Variants in ZBTB16 observed in about 807,000 individuals in gnomAD.
ZBTB16 encodes zinc finger and BTB domain containing 16, also known as zinc finger and BTB domain-containing protein 16.
In ZBTB16, 8 loss-of-function variants were observed where a neutral mutation model predicts 56.8. The ratio of observed to expected loss-of-function variants is 0.14; its 90% confidence interval spans 0.08 to 0.25. ZBTB16 has a LOEUF of 0.25. Among genes scored for constraint, ZBTB16 ranks in the 10% least tolerant of loss-of-function variants. ZBTB16 has a pLI of 1.00. For missense variants in ZBTB16, 625 were observed against 903.0 expected (o/e 0.69, Z 3.95); for synonymous variants, 363 against 368.5 (o/e 0.98, Z 0.17).
chr11:114,169,583 G>A (rs1401422725), intron 3 of ZBTB16, among the ~76,000 whole-genome samples: 1 of 152,200 alleles, frequency 6.6e-6, no homozygotes, highest in Admixed American at 6.5e-5. Flanking sequence ...AGGGCCAGTG[G>A]TGTGCAAAGC....
At chr11:114,144,181 CACA>C (rs1184191583) in intron 2 of ZBTB16, among the ~76,000 whole-genome samples, 3 of 107,446 alleles carry the variant, frequency 2.8e-5, no homozygotes, top group Non-Finnish European at 5.6e-5. Flanking sequence ...TTGCCAGACA[CACA>C]CACACACACA....
intron 3 of ZBTB16, among the ~76,000 whole-genome samples, chr11:114,163,441 C>G (rs1388250420): frequency 2.0e-5 from 3 of 151,398 alleles, no homozygotes; most frequent in African/African-American, 7.3e-5. Context: ...GTTTTTTGGC[C>G]AGGGATTTTG....
At chr11:114,177,841 C>T (rs1340654435) in intron 3 of ZBTB16, among the ~76,000 whole-genome samples, 1 of 152,072 alleles carries the variant, frequency 6.6e-6, no homozygotes, top group African/African-American at 2.4e-5. Context: ...ACTCCGTCAC[C>T]CAGGCTGGGG....
intron 2 of ZBTB16, among the ~76,000 whole-genome samples, chr11:114,106,125 G>C (rs920969107): frequency 1.3e-5 from 2 of 152,060 alleles, no homozygotes; most frequent in Non-Finnish European, 2.9e-5. Context: ...CATAGCGGAG[G>C]GTTGTTAGGA....
At chr11:114,093,464 C>G (rs1940268384) in intron 2 of ZBTB16, among the ~76,000 whole-genome samples, 1 of 152,210 alleles carries the variant, frequency 6.6e-6, no homozygotes, top group East Asian at 1.9e-4. Flanking sequence ...GGACAACTCC[C>G]TCTCTTGTCC....
intron 3 of ZBTB16, among the ~76,000 whole-genome samples, chr11:114,176,847 A>G (rs1210100399): frequency 1.3e-5 from 2 of 152,226 alleles, no homozygotes; most frequent in Admixed American, 1.3e-4. Flanking sequence ...TGCGCTGGCC[A>G]GCAGAACCCT....
At chr11:114,121,750 T>A in intron 2 of ZBTB16, 1 of 452,856 alleles carries the variant, frequency 2.2e-6, no homozygotes, top group Admixed American at 2.4e-5. Flanking sequence ...CCTTGCCCAG[T>A]ATATTATACT....
chr11:114,210,611 C>A, intron 4 of ZBTB16: 1 of 227,470 alleles, frequency 4.4e-6, no homozygotes, highest in East Asian at 6.3e-5. Flanking sequence ...AATTATTTAC[C>A]AAGAGCGTCT....
intron 2 of ZBTB16, among the ~76,000 whole-genome samples, chr11:114,152,573 G>A (rs916474249): frequency 6.6e-6 from 1 of 152,228 alleles, no homozygotes. Context: ...GCCACTAAGA[G>A]TTGGGGAGAA....
At chr11:114,163,158 C>A (rs1050650057) in intron 3 of ZBTB16, among the ~76,000 whole-genome samples, 1 of 152,048 alleles carries the variant, frequency 6.6e-6, no homozygotes, top group East Asian at 1.9e-4. Context: ...ACATTTCTTT[C>A]CTCTCCCCTT....
At chr11:114,144,674 C>T (rs1405976106) in intron 2 of ZBTB16, among the ~76,000 whole-genome samples, 1 of 152,210 alleles carries the variant, frequency 6.6e-6, no homozygotes, top group East Asian at 1.9e-4. Context: ...ACCGTGGGTC[C>T]CACTCCTGGA....
At position 114,060,820 on chromosome 11, in the gene ZBTB16, C is replaced by T. The variant is rs1258053443; in HGVS notation, c.-91+938C>T. On this transcript the variant is annotated intron_variant, in intron 1 of 6. Transcript: ENST00000335953. The surrounding 1 kb of genome is among the most constrained non-coding windows in gnomAD (Gnocchi z 6.0). Reference sequence around the variant, plus strand: ...CGCGCTGGCCGCTGGCGCCGCTGGCCAGAGGCCTGGGACCCAGCCGGTCGC... The same window carrying T: ...CGCGCTGGCCGCTGGCGCCGCTGGCTAGAGGCCTGGGACCCAGCCGGTCGC... Among the ~76,000 whole-genome samples the T allele has an allele frequency of 6.6e-6, 1 of 152,082 alleles. No homozygotes were observed. The highest frequency in any genetic ancestry group is 1.5e-5 in the Non-Finnish European group (1 of 67,982).
chr11:114,085,290 T>C (rs191832155), intron 2 of ZBTB16, among the ~76,000 whole-genome samples: 1 of 152,328 alleles, frequency 6.6e-6, no homozygotes, highest in East Asian at 1.9e-4. Flanking sequence ...AGAACGTTAA[T>C]GAAGACCCAC....
intron 3 of ZBTB16, among the ~76,000 whole-genome samples, chr11:114,166,262 G>C (rs904495219): frequency 2.6e-5 from 4 of 151,288 alleles, no homozygotes; most frequent in African/African-American, 9.7e-5. Context: ...ATGAGGGAGA[G>C]GGGGCCTGGA....
At chr11:114,204,730 G>A (rs1380159722) in intron 4 of ZBTB16, among the ~76,000 whole-genome samples, 1 of 152,112 alleles carries the variant, frequency 6.6e-6, no homozygotes, top group African/African-American at 2.4e-5. Context: ...CTGTCAACAA[G>A]ATAAACTGGG....
intron 2 of ZBTB16, among the ~76,000 whole-genome samples, chr11:114,096,438 G>A (rs1011921421): frequency 6.6e-6 from 1 of 152,152 alleles, no homozygotes; most frequent in African/African-American, 2.4e-5. Context: ...AGACCTCTGT[G>A]GTCTCCTGTG....
chr11:114,127,439 C>T (rs956187629), intron 2 of ZBTB16, among the ~76,000 whole-genome samples: 3 of 152,178 alleles, frequency 2.0e-5, no homozygotes, highest in African/African-American at 7.2e-5. Context: ...CCAATGTACA[C>T]TAAAGTTAGA....
chr11:114,098,591 A>G (rs567987769), intron 2 of ZBTB16, among the ~76,000 whole-genome samples: 2 of 149,732 alleles, frequency 1.3e-5, no homozygotes, highest in South Asian at 4.5e-4. Flanking sequence ...TCTTGCAAAA[A>G]CCAGCACGGG....
intron 2 of ZBTB16, among the ~76,000 whole-genome samples, chr11:114,076,450 A>G (rs1939568732): frequency 6.6e-6 from 1 of 152,090 alleles, no homozygotes; most frequent in Non-Finnish European, 1.5e-5. Flanking sequence ...GTACGTCTCA[A>G]ATTAAAAGCA....
Sources: gnomAD v4.1 joint callset for allele counts (sites outside exome capture counted in the v4.1 genomes callset) on GRCh38, gnomAD v4.1.1 for gene constraint, Gnocchi (gnomAD v3.1) non-coding constraint, MANE v1.5 for transcripts, NCBI Gene and HGNC (gene_info 2026-07-23, HGNC 2026-07-21) for gene names.